The following CSTPP1 variants were observed in gnomAD, a reference collection of about 807,000 sequenced individuals.
CSTPP1 encodes the protein centriolar satellite-associated tubulin polyglutamylase complex regulator 1.
At chr11:47,161,485 G>C in the CSTPP1 span, 1 of 1,613,892 alleles carries the variant, frequency 6.2e-7, no homozygotes, top group Non-Finnish European at 8.5e-7. Context: ...TCCCAGGCCT[G>C]GTCAACTCGG....
At chr11:47,127,620 TAAC>T in the CSTPP1 span, among the ~76,000 whole-genome samples, 1 of 151,948 alleles carries the variant, frequency 6.6e-6, no homozygotes, top group Non-Finnish European at 1.5e-5. Flanking sequence ...ATAAAAGTAA[TAAC>T]AAGAGCAGGT....
chr11:46,995,652 T>C, the CSTPP1 span, among the ~76,000 whole-genome samples: 4 of 152,344 alleles, frequency 2.6e-5, no homozygotes, highest in African/African-American at 9.6e-5. Context: ...CAGTTTGTTA[T>C]AATTTCTGGT....
the CSTPP1 span, chr11:46,987,308 A>G: frequency 6.2e-7 from 1 of 1,612,832 alleles, no homozygotes. Context: ...TCTTCACTGA[A>G]TAGTAAGTAC....
chr11:47,096,627 CT>C, the CSTPP1 span, among the ~76,000 whole-genome samples: 1 of 152,088 alleles, frequency 6.6e-6, no homozygotes. Context: ...ATACAGACTC[CT>C]TTTATTCTAA....
chr11:46,998,813 G>A, the CSTPP1 span, among the ~76,000 whole-genome samples: 191 of 152,118 alleles, frequency 1.3e-3, 1 homozygote, highest in African/African-American at 4.4e-3. Flanking sequence ...TCGGCTCACC[G>A]CAAGCTCCGC....
At chr11:47,161,185 ACGGCTG>A in the CSTPP1 span, 1 of 1,614,086 alleles carries the variant, frequency 6.2e-7, no homozygotes, top group African/African-American at 1.3e-5. Context: ...AAGAGCTGGA[ACGGCTG>A]TAAGTGTCAA....
chr11:47,159,602 C>G, the CSTPP1 span: 1 of 456,164 alleles, frequency 2.2e-6, no homozygotes, highest in Non-Finnish European at 4.4e-6. Context: ...TCATACTCCT[C>G]GTTATGACCA....
chr11:47,128,416 C>CA, the CSTPP1 span, among the ~76,000 whole-genome samples: 1 of 152,196 alleles, frequency 6.6e-6, no homozygotes. Context: ...GGGTCTCACT[C>CA]AGTCACCCAG....
At chr11:47,057,668 C>T in the CSTPP1 span, among the ~76,000 whole-genome samples, 6 of 152,090 alleles carry the variant, frequency 3.9e-5, no homozygotes, top group Admixed American at 1.3e-4. Context: ...TTTAGGGAGG[C>T]TGGAGCAGCC....
At chr11:47,099,952 TC>T in the CSTPP1 span, among the ~76,000 whole-genome samples, 1 of 152,176 alleles carries the variant, frequency 6.6e-6, no homozygotes. Context: ...ACTCTCTTTC[TC>T]TCCTTACCTA....
chr11:47,032,433 A>G, the CSTPP1 span, among the ~76,000 whole-genome samples: 1 of 152,228 alleles, frequency 6.6e-6, no homozygotes, highest in Non-Finnish European at 1.5e-5. Flanking sequence ...ATAGATGATT[A>G]TATCTTCTGG....
the CSTPP1 span, among the ~76,000 whole-genome samples, chr11:47,060,200 A>G: frequency 6.6e-6 from 1 of 150,772 alleles, no homozygotes; most frequent in African/African-American, 2.4e-5. Flanking sequence ...AGCACAGCTC[A>G]TATTCCAACC....
chr11:47,012,642 A>G, the CSTPP1 span, among the ~76,000 whole-genome samples: 1 of 152,250 alleles, frequency 6.6e-6, no homozygotes, highest in South Asian at 2.1e-4. Context: ...ATTGACTTCC[A>G]TTTCAAGGAT....
the CSTPP1 span, among the ~76,000 whole-genome samples, chr11:47,089,483 C>T: frequency 1.3e-5 from 2 of 152,162 alleles, no homozygotes; most frequent in Admixed American, 1.3e-4. Flanking sequence ...GGTAATGTCA[C>T]ACCTTAAACT....
At chr11:47,025,507 C>T in the CSTPP1 span, among the ~76,000 whole-genome samples, 19 of 151,994 alleles carry the variant, frequency 1.3e-4, no homozygotes, top group African/African-American at 9.7e-5. Context: ...TTTTTTCAAC[C>T]AAATTCATAT....
the CSTPP1 span, among the ~76,000 whole-genome samples, chr11:47,115,810 T>TA: frequency 6.6e-6 from 1 of 152,152 alleles, no homozygotes; most frequent in South Asian, 2.1e-4. Context: ...TTTGTGTCTC[T>TA]ATCTCTTTCA....
At chr11:47,036,159 A>T in the CSTPP1 span, among the ~76,000 whole-genome samples, 3 of 52,728 alleles carry the variant, frequency 5.7e-5, 1 homozygote, top group Non-Finnish European at 1.2e-4. Flanking sequence ...TATTATATAT[A>T]ATGCATATTA....
At chr11:46,992,552 T>C in the CSTPP1 span, among the ~76,000 whole-genome samples, 1 of 152,132 alleles carries the variant, frequency 6.6e-6, no homozygotes, top group Non-Finnish European at 1.5e-5. Context: ...TCCATGTCCC[T>C]ACAAAGGACA....
the CSTPP1 span, among the ~76,000 whole-genome samples, chr11:47,158,996 A>G: frequency 6.6e-6 from 1 of 152,244 alleles, no homozygotes; most frequent in African/African-American, 2.4e-5. Flanking sequence ...CAACCACAGC[A>G]GGCTAAGTAC....
Sources: allele counts gnomAD v4.1 joint callset (sites outside exome capture counted in the v4.1 genomes callset), GRCh38; gene constraint gnomAD v4.1.1; transcripts MANE v1.5; gene names NCBI Gene and HGNC (gene_info 2026-07-23, HGNC 2026-07-21).